The following NKAIN2 variants were observed in gnomAD, a reference collection of about 807,000 sequenced individuals.
NKAIN2 encodes the protein sodium/potassium-transporting ATPase subunit beta-1-interacting protein 2.
Under a neutral mutation model 32.6 loss-of-function variants are expected in NKAIN2, and 14 were observed. The ratio of observed to expected loss-of-function variants is 0.43; its 90% CI spans 0.28 to 0.67. The LOEUF is 0.67. Among genes scored for constraint, NKAIN2 ranks in the 30% least tolerant of loss-of-function variants. NKAIN2 has a pLI of 0.17. For missense variants in NKAIN2, 198 were observed against 258.3 expected (o/e 0.77, Z 1.60); for synonymous variants, 80 against 87.2 (o/e 0.92, Z 0.46).
chr6:124,760,728 G>A (rs1778225956), intron 4 of NKAIN2, among the ~76,000 whole-genome samples: 1 of 152,066 alleles, frequency 6.6e-6, no homozygotes, highest in African/African-American at 2.4e-5. Flanking sequence ...CACTGCTTGG[G>A]AAAATCTTAG....
At chr6:124,229,533 T>TAGATAGACAGACAGACAGACAGAC (rs1298590453) in intron 1 of NKAIN2, among the ~76,000 whole-genome samples, 32 of 149,062 alleles carry the variant, frequency 2.1e-4, no homozygotes, top group African/African-American at 7.8e-4. Flanking sequence ...GATAGATAGA[T>TAGATAGACAGACAGACAGACAGAC]AGACAGACAG....
intron 4 of NKAIN2, among the ~76,000 whole-genome samples, chr6:124,747,355 G>GTTTTT (rs1199345104): frequency 6.6e-6 from 1 of 151,862 alleles, no homozygotes; most frequent in African/African-American, 2.4e-5. Flanking sequence ...AGAAAACACT[G>GTTTTT]TTTTTCCATG....
rs956367481 is a variant in NKAIN2 at position 124,723,473 on chromosome 6, G to C, written c.474+65087G>C. Among the ~76,000 whole-genome samples, 3 of 152,102 alleles carry C rather than the reference G, an allele frequency of 2.0e-5. No homozygotes were observed. The East Asian group carries it at 5.8e-4, about 29-fold the overall frequency. ...CTTCTTTTAATCAGTAAAAGTCAGGGTTGGCATTTCAGTTATTTTATGATT... is the reference window on the plus strand; with the variant it reads ...CTTCTTTTAATCAGTAAAAGTCAGGCTTGGCATTTCAGTTATTTTATGATT... On this transcript the variant is annotated intron_variant, in intron 4 of 6. Coordinates refer to ENST00000368417, the MANE Select transcript of NKAIN2 (RefSeq NM_001040214.3).
intron 1 of NKAIN2, among the ~76,000 whole-genome samples, chr6:123,869,533 G>T (rs1772759502): frequency 6.6e-6 from 1 of 152,138 alleles, no homozygotes; most frequent in South Asian, 2.1e-4. Flanking sequence ...AGAACACCAT[G>T]ATTCGCCTGT....
At chr6:123,900,627 C>G (rs983378972) in intron 1 of NKAIN2, among the ~76,000 whole-genome samples, 1 of 122,940 alleles carries the variant, frequency 8.1e-6, no homozygotes, top group Non-Finnish European at 1.6e-5. Flanking sequence ...ATCTGGTTAA[C>G]CCCCCGAGCT....
intron 2 of NKAIN2, among the ~76,000 whole-genome samples, chr6:124,312,493 A>C (rs143348606): frequency 8.4e-4 from 128 of 152,288 alleles, no homozygotes; most frequent in African/African-American, 2.9e-3. Context: ...TCAGGGAAAT[A>C]CTTACATTTA....
In NKAIN2 at chr6:123,884,348, A is replaced by G. The variant is rs114548704; in HGVS notation, c.54+80094A>G. Among the ~76,000 whole-genome samples, 461 of 152,278 alleles carry G rather than the reference A, an allele frequency of 3.0e-3. 2 individuals are homozygous for G. Among genetic ancestry groups the G allele is most frequent in the African/African-American group, 0.01 (427 of 41,550 alleles). ...GTACCCCATTTTCTTTATCCAGTCT[A>G]TCTCTTTATAGCAGTGCAAGAACAG... On this transcript the variant is annotated intron_variant, in intron 1 of 6. Transcript: ENST00000368417.
intron 1 of NKAIN2, among the ~76,000 whole-genome samples, chr6:123,991,692 C>T (rs1020930739): frequency 2.6e-5 from 4 of 152,020 alleles, no homozygotes; most frequent in African/African-American, 9.7e-5. Flanking sequence ...GAAACCACAT[C>T]TCAACTAAAA....
In NKAIN2 at chr6:124,597,001, C is replaced by G. The variant is rs539624992; in HGVS notation, c.274-61185C>G. The stretch of plus-strand genomic sequence containing the variant: ...GATAGTCATGAAGAGAAAGTGAATT[C>G]TCCCTTTCTCAGCCTTTTGGTTCTA... On this transcript the variant is annotated intron_variant, in intron 3 of 6. Transcript: ENST00000368417. 5.4e-4 allele frequency among the ~76,000 whole-genome samples: 82 copies of G among 152,238 alleles called. 1 individual carries two copies. The South Asian group carries it at 0.017, about 32-fold the overall frequency.
chr6:123,806,217 C>A (rs74845108), intron 1 of NKAIN2, among the ~76,000 whole-genome samples: 1 of 152,098 alleles, frequency 6.6e-6, no homozygotes, highest in African/African-American at 2.4e-5. Flanking sequence ...ACAGAATAGA[C>A]GTAGCTGTAA....
chr6:124,274,158 A>C (rs879509727), intron 1 of NKAIN2, among the ~76,000 whole-genome samples: 3 of 152,206 alleles, frequency 2.0e-5, no homozygotes, highest in Admixed American at 2.0e-4. Flanking sequence ...GTGCCTCTGC[A>C]GTATTATTAT....
chr6:123,842,249 A>G (rs942368238), intron 1 of NKAIN2, among the ~76,000 whole-genome samples: 3 of 152,206 alleles, frequency 2.0e-5, no homozygotes, highest in Admixed American at 1.3e-4. Flanking sequence ...AACAGCAGAT[A>G]TGTATTTCTC....
chr6:123,966,446 C>T (rs1050891033), intron 1 of NKAIN2, among the ~76,000 whole-genome samples: 1 of 152,100 alleles, frequency 6.6e-6, no homozygotes, highest in Admixed American at 6.6e-5. Flanking sequence ...TGCCAAGGCA[C>T]CTTTTTATAG....
intron 3 of NKAIN2, among the ~76,000 whole-genome samples, chr6:124,411,804 C>A (rs1262581282): frequency 6.6e-6 from 1 of 152,220 alleles, no homozygotes; most frequent in African/African-American, 2.4e-5. Context: ...TTCTCTCCGT[C>A]ACTTTCAGGT....
chr6:124,324,438 C>T lies in NKAIN2; in HGVS notation c.193-30829C>T, dbSNP rs545393271. On this transcript the variant is annotated intron_variant, in intron 2 of 6. Transcript: ENST00000368417. ...ATATAGGAATAAAATATAATGATGT[C>T]ATAGTCTGTGATCTTAACTCATTTA... Among the ~76,000 whole-genome samples, 9 of 152,154 alleles carry T rather than the reference C, an allele frequency of 5.9e-5. No homozygotes were observed. The South Asian group carries it at 1.9e-3, about 32-fold the overall frequency.
intron 1 of NKAIN2, among the ~76,000 whole-genome samples, chr6:124,031,054 T>C (rs949651026): frequency 6.6e-6 from 1 of 151,886 alleles, no homozygotes; most frequent in African/African-American, 2.4e-5. Flanking sequence ...AGTTGATATG[T>C]ATATAGGGGT....
intron 4 of NKAIN2, among the ~76,000 whole-genome samples, chr6:124,776,704 T>C (rs1045796570): frequency 6.6e-6 from 1 of 152,224 alleles, no homozygotes; most frequent in Non-Finnish European, 1.5e-5. Flanking sequence ...GTAATTTTTA[T>C]CACATCTTTC....
chr6:123,932,324 A>G (rs1173767388), intron 1 of NKAIN2, among the ~76,000 whole-genome samples: 4 of 151,640 alleles, frequency 2.6e-5, no homozygotes, highest in South Asian at 4.2e-4. Flanking sequence ...CAGTAGGTCA[A>G]TGAAGAATTA....
At chr6:124,694,146 C>T (rs1774383557) in intron 4 of NKAIN2, among the ~76,000 whole-genome samples, 1 of 152,046 alleles carries the variant, frequency 6.6e-6, no homozygotes. Flanking sequence ...TGTAATTAAA[C>T]AAGTCTATGT....
Sources: allele counts gnomAD v4.1 joint callset (sites outside exome capture counted in the v4.1 genomes callset), GRCh38; gene constraint gnomAD v4.1.1; transcripts MANE v1.5; gene names NCBI Gene and HGNC (gene_info 2026-07-23, HGNC 2026-07-21).